Variants in COL25A1 observed in about 807,000 individuals in gnomAD.
The protein encoded by COL25A1 is collagen type XXV alpha 1 chain, also known as collagen alpha-1(XXV) chain.
In COL25A1, 103 loss-of-function variants were observed where a neutral mutation model predicts 128.4. That is an observed-to-expected ratio of 0.80 (90% CI 0.68 to 0.94). The LOEUF is 0.94. COL25A1 is among the 40% of genes least tolerant of loss of function. The pLI is 0.00. For missense variants in COL25A1, 745 were observed against 840.0 expected, an observed-to-expected ratio of 0.89 and a Z score of 1.40; for synonymous variants, 279 against 277.2, an observed-to-expected ratio of 1.01 and a Z score of -0.06.
chr4:109,195,646 C>A (rs1212965422), intron 3 of COL25A1, among the ~76,000 whole-genome samples: 2 of 151,946 alleles, frequency 1.3e-5, no homozygotes, highest in African/African-American at 4.8e-5. Flanking sequence ...ACAACTCAGC[C>A]CTAAGACCTT....
At chr4:109,014,797 T>C (rs1265435060) in intron 5 of COL25A1, among the ~76,000 whole-genome samples, 2 of 152,342 alleles carry the variant, frequency 1.3e-5, no homozygotes, top group East Asian at 1.9e-4. Flanking sequence ...GAGGAAGTGG[T>C]TGATAGAGAC....
intron 3 of COL25A1, among the ~76,000 whole-genome samples, chr4:109,099,681 A>T (rs1032851362): frequency 2.0e-5 from 3 of 151,916 alleles, no homozygotes; most frequent in Non-Finnish European, 4.4e-5. Context: ...TCTTTTACAT[A>T]TCCCAAAACA....
intron 3 of COL25A1, among the ~76,000 whole-genome samples, chr4:109,237,900 G>A (rs1779579514): frequency 6.6e-6 from 1 of 152,012 alleles, no homozygotes; most frequent in Non-Finnish European, 1.5e-5. Flanking sequence ...CCTCATGTAA[G>A]TAAAACAATA....
chr4:108,834,280 A>T, intron 31 of COL25A1: 1 of 1,413,834 alleles, frequency 7.1e-7, no homozygotes, highest in Non-Finnish European at 9.8e-7. Context: ...GAGGACATGG[A>T]GCAAAGGGGT....
chr4:108,947,905 T>C (rs28437827), intron 8 of COL25A1, among the ~76,000 whole-genome samples: 6,570 of 152,166 alleles, frequency 0.043, 372 homozygotes, highest in African/African-American at 0.13. Flanking sequence ...TAGCAAGTCA[T>C]ATTGAAAGAA....
chr4:108,853,195 A>G (rs2198329), intron 24 of COL25A1, among the ~76,000 whole-genome samples: 92,168 of 152,014 alleles, frequency 0.61, 29,515 homozygotes, highest in South Asian at 0.76. Flanking sequence ...ATTGAAAAAA[A>G]TAATGCAGTA....
At chr4:108,846,461 A>AG (rs1385433484) in intron 27 of COL25A1, among the ~76,000 whole-genome samples, 20 of 152,312 alleles carry the variant, frequency 1.3e-4, no homozygotes, top group African/African-American at 4.6e-4. Context: ...AAAAACATGA[A>AG]CTTAGGTTTT....
chr4:108,993,843 A>C (rs930219378), intron 6 of COL25A1, among the ~76,000 whole-genome samples: 4 of 139,624 alleles, frequency 2.9e-5, no homozygotes, highest in African/African-American at 7.9e-5. Flanking sequence ...CTGGGCAGTA[A>C]GAGTGAAACT....
chr4:108,832,590 GT>G (rs1189316328), intron 31 of COL25A1, 157 bp from the exon 32 acceptor site: 4 of 558,312 alleles, frequency 7.2e-6, no homozygotes, highest in Non-Finnish European at 1.3e-5. Context: ...CAGGCCAGCG[GT>G]TTTCAAGAAA....
Position 108,859,678 on chromosome 4 carries a change from C to G in COL25A1, c.1298G>C (p.Gly433Ala), listed in dbSNP as rs779434923. ...QGATEIIDYN[G>A]NLHEALQRIT... Reference sequence around the variant, plus strand: ...TGCCTGTAAGGCTTCGTGGAGGTTGCCGTTGTAGTCTATGATCTCAGTGGC... The same window carrying G: ...TGCCTGTAAGGCTTCGTGGAGGTTGGCGTTGTAGTCTATGATCTCAGTGGC... The change falls in exon 24 of 38, where the codon GGC becomes GCC. Residue 433 changes from glycine to alanine, a missense_variant. Transcript: ENST00000399132. 6.2e-7 allele frequency: 1 copy of G among 1,613,732 alleles called. No homozygotes were observed. The highest frequency in any genetic ancestry group is 1.7e-5 in the Admixed American group (1 of 59,950).
At chr4:109,187,809 T>C (rs913404028) in intron 3 of COL25A1, among the ~76,000 whole-genome samples, 25 of 152,046 alleles carry the variant, frequency 1.6e-4, no homozygotes, top group African/African-American at 5.8e-4. Context: ...ACTATAGCAA[T>C]GAAAGTACAT....
At chr4:108,861,332 G>A (rs1400700153) in intron 22 of COL25A1, among the ~76,000 whole-genome samples, 1 of 152,088 alleles carries the variant, frequency 6.6e-6, no homozygotes, top group Non-Finnish European at 1.5e-5. Flanking sequence ...AGAGATTTGG[G>A]GCAAAGGGAA....
intron 20 of COL25A1, among the ~76,000 whole-genome samples, chr4:108,868,540 A>AAAAAAG (rs1193763687): frequency 4.7e-4 from 4 of 8,540 alleles, no homozygotes; most frequent in East Asian, 5.1e-3. Flanking sequence ...AGAAAGAAAG[A>AAAAAAG]AAAGAAAAAA....
intron 3 of COL25A1, among the ~76,000 whole-genome samples, chr4:109,079,912 C>CA (rs1485044769): frequency 6.6e-6 from 1 of 151,894 alleles, no homozygotes; most frequent in African/African-American, 2.4e-5. Context: ...AATTTAAACT[C>CA]AGATTACAAA....
chr4:108,950,005 G>A (rs1465702409), intron 8 of COL25A1, among the ~76,000 whole-genome samples: 1 of 152,188 alleles, frequency 6.6e-6, no homozygotes, highest in Non-Finnish European at 1.5e-5. Flanking sequence ...TAGAATGTAT[G>A]AAGGCAGGCA....
intron 11 of COL25A1, among the ~76,000 whole-genome samples, chr4:108,926,899 C>G (rs540315759): frequency 1.5e-4 from 23 of 152,064 alleles, no homozygotes; most frequent in African/African-American, 5.1e-4. Flanking sequence ...CAACTAGAAA[C>G]TGTTGGGAAA....
intron 3 of COL25A1, among the ~76,000 whole-genome samples, chr4:109,128,486 A>G (rs72617755): frequency 0.079 from 12,027 of 152,222 alleles, 675 homozygotes; most frequent in East Asian, 0.29. Context: ...GGTCAAACCA[A>G]TGTAGCCTCC....
At chr4:108,955,333 A>T (rs1749946496) in intron 8 of COL25A1, among the ~76,000 whole-genome samples, 1 of 152,230 alleles carries the variant, frequency 6.6e-6, no homozygotes, top group African/African-American at 2.4e-5. Flanking sequence ...TGACTTGTGA[A>T]ATGTTGGGGA....
intron 5 of COL25A1, among the ~76,000 whole-genome samples, chr4:109,040,953 T>C (rs1759824819): frequency 6.6e-6 from 1 of 152,182 alleles, no homozygotes; most frequent in African/African-American, 2.4e-5. Context: ...TTTAAAATGT[T>C]ATCCTGTTTC....
Sources: gnomAD v4.1 joint callset for allele counts (sites outside exome capture counted in the v4.1 genomes callset) on GRCh38, gnomAD v4.1.1 for gene constraint, MANE v1.5 for transcripts, NCBI Gene and HGNC (gene_info 2026-07-23, HGNC 2026-07-21) for gene names.